The following SLC1A7 variants were observed in gnomAD, a reference collection of about 807,000 sequenced individuals.
SLC1A7 encodes excitatory amino acid transporter 5.
In SLC1A7, 40 loss-of-function variants were observed where a neutral mutation model predicts 47.7. The observed-to-expected ratio is 0.84, with a 90% confidence interval of 0.65 to 1.09. The LOEUF is 1.09. SLC1A7 is among the 50% of genes least tolerant of loss of function. The probability of loss-of-function intolerance (pLI) is 0.00; values close to 1 mark genes in which losing one functional copy is unlikely to be tolerated. For missense variants in SLC1A7, 746 were observed against 769.5 expected (o/e 0.97, Z 0.36); for synonymous variants, 323 against 325.6 (o/e 0.99, Z 0.09).
intron 5 of SLC1A7, among the ~76,000 whole-genome samples, chr1:53,095,534 C>CTT (rs1644476193): frequency 6.8e-6 from 1 of 147,866 alleles, no homozygotes; most frequent in African/African-American, 2.5e-5. Flanking sequence ...ACACTCACAC[C>CTT]GCCTCGGTAC....
intron 2 of SLC1A7, among the ~76,000 whole-genome samples, chr1:53,122,159 T>G (rs1175312090): frequency 6.6e-6 from 1 of 152,084 alleles, no homozygotes; most frequent in Non-Finnish European, 1.5e-5. Flanking sequence ...AGGAACTACC[T>G]TGAGAAGTGG....
chr1:53,103,739 A>C, intron 4 of SLC1A7, 171 bp from the exon 5 acceptor site: 4 of 522,948 alleles, frequency 7.6e-6, no homozygotes, highest in Admixed American at 3.7e-5. Flanking sequence ...TATTTTACCC[A>C]AAGAAAGCTG....
chr1:53,124,932 C>T (rs1195728554), intron 2 of SLC1A7, among the ~76,000 whole-genome samples: 3 of 152,158 alleles, frequency 2.0e-5, no homozygotes, highest in Admixed American at 6.5e-5. Context: ...GGGGGAAAAC[C>T]AAAGCAAGCA....
rs117006946 is a variant in SLC1A7, at chr1:53,095,896, G to C, written c.698-2336C>G. ...ACCTTGGTACATTCACATCGCCTCGGTACACTCACACAACCCGCCTCGGTA... is the reference window on the plus strand; with the variant it reads ...ACCTTGGTACATTCACATCGCCTCGCTACACTCACACAACCCGCCTCGGTA... On this transcript the variant is annotated intron_variant, in intron 5 of 10. Coordinates refer to ENST00000371494, the MANE Select transcript of SLC1A7 (RefSeq NM_006671.6). Among the ~76,000 whole-genome samples the C allele has an allele frequency of 2.5e-3, 335 of 135,906 alleles. 7 individuals carry two copies. The highest frequency in any genetic ancestry group is 0.019 in the East Asian group (83 of 4,282). The allele number at this position is 135,906 out of a possible 152,430, so 89.2% of individuals were successfully genotyped here. A position where few individuals can be genotyped will look rare whatever the true frequency, so the allele number is the denominator to read the frequency against.
At chr1:53,135,742 T>C (rs1557692592) in intron 1 of SLC1A7, among the ~76,000 whole-genome samples, 2 of 152,210 alleles carry the variant, frequency 1.3e-5, no homozygotes. Context: ...GTGCTGTTTA[T>C]AAAATTTTTT....
intron 5 of SLC1A7, among the ~76,000 whole-genome samples, chr1:53,100,899 A>G (rs28451553): frequency 0.21 from 31,135 of 148,026 alleles, 3,353 homozygotes; most frequent in Middle Eastern, 0.3. Flanking sequence ...AGACTGCCTC[A>G]ATACATTCAC....
Position 53,090,590 on chromosome 1 carries a change from C to T in SLC1A7, c.1226+22G>A, listed in dbSNP as rs376274414. On this transcript the variant is annotated intron_variant, in intron 8 of 10. Transcript: ENST00000371494. ...GCCCCCAGCCCCCGCCCCATCCACCCAGGTGCAGTGTCAGGGTGCACCTGA... is the reference window on the plus strand; with the variant it reads ...GCCCCCAGCCCCCGCCCCATCCACCTAGGTGCAGTGTCAGGGTGCACCTGA... 1.1e-5 allele frequency: 17 copies of T among 1,555,570 alleles called. No individual in the cohort carries two copies. In the African/African-American group the frequency reaches 1.9e-4, roughly 17 times the overall value.
intron 3 of SLC1A7, among the ~76,000 whole-genome samples, chr1:53,113,547 T>C (rs1644721950): frequency 6.6e-6 from 1 of 152,024 alleles, no homozygotes; most frequent in Admixed American, 6.6e-5. Context: ...ACCCACCTCC[T>C]GCTAAGGATC....
At chr1:53,119,041 A>T (rs1192455873) in intron 2 of SLC1A7, among the ~76,000 whole-genome samples, 3 of 144,754 alleles carry the variant, frequency 2.1e-5, no homozygotes, top group Non-Finnish European at 4.5e-5. Context: ...TTTAAATTAA[A>T]TTAAATAAAA....
chr1:53,105,554 A>T (rs13376214), intron 4 of SLC1A7, among the ~76,000 whole-genome samples, 178 bp downstream of exon 4: 5,050 of 152,116 alleles, frequency 0.033, 282 homozygotes, highest in African/African-American at 0.12. Context: ...GGATGTGGCC[A>T]TGGGGGTCTC....
chr1:53,099,506 C>T (rs988875554), intron 5 of SLC1A7, among the ~76,000 whole-genome samples: 2 of 128,188 alleles, frequency 1.6e-5, no homozygotes, highest in Non-Finnish European at 3.4e-5. Flanking sequence ...TCAGTACACT[C>T]ACTCACACCA....
intron 3 of SLC1A7, among the ~76,000 whole-genome samples, chr1:53,113,446 A>G (rs1214694118): frequency 6.6e-6 from 1 of 152,024 alleles, no homozygotes; most frequent in East Asian, 1.9e-4. Flanking sequence ...GCTCCAGACC[A>G]TCCATCGCTT....
chr1:53,088,135 G>T lies in SLC1A7; in HGVS notation c.1557C>A (p.Ser519=). The T allele has an allele frequency of 6.2e-7, 1 of 1,613,244 alleles. No homozygotes were observed. The part of the protein sequence containing the change: ...NGCVKSVAEA[S]ELTLGPTCPH... ...GGCAGGTGGGGCCCAGGGTGAGCTC[G>T]GAGGCCTCGGCTACACTCTTCACAC... Residue 519 remains serine, a synonymous_variant, in exon 11 of 11, where the codon TCC becomes TCA. Coordinates refer to ENST00000371494, the MANE Select transcript of SLC1A7 (RefSeq NM_006671.6).
intron 2 of SLC1A7, among the ~76,000 whole-genome samples, chr1:53,133,405 G>C (rs1377880404): frequency 6.6e-6 from 1 of 152,190 alleles, no homozygotes; most frequent in East Asian, 1.9e-4. Flanking sequence ...AAAATACAAA[G>C]CGCCCTTGGC....
intron 5 of SLC1A7, 93 bp from the exon 6 acceptor site, chr1:53,093,653 T>G: frequency 2.2e-6 from 2 of 907,614 alleles, no homozygotes; most frequent in South Asian, 1.6e-5. Flanking sequence ...GCAGCCTTGA[T>G]GCTCCAGCAC....
Position 53,092,558 on chromosome 1 carries a change from A to C in SLC1A7, c.1027T>G (p.Ser343Ala). Residue 343 changes from serine to alanine, a missense_variant, in exon 7 of 11, where the codon TCC becomes GCC. By Grantham distance (99) the Ser-to-Ala change is moderately conservative. Coordinates refer to ENST00000371494, the MANE Select transcript of SLC1A7 (RefSeq NM_006671.6). ...CCTGCCCGTCCCCGGGGCTACCTGG[A>C]GGAGGTGGCCAGCGCGATGAGCAGA... ...QALLIALATS[S>A]SSATLPITFK... 6.2e-7 allele frequency: 1 copy of C among 1,609,492 alleles called. No individual in the cohort carries two copies. Among genetic ancestry groups the C allele is most frequent in the Non-Finnish European group, 8.5e-7 (1 of 1,175,808 alleles).
intron 7 of SLC1A7, 51 bp downstream of exon 7, chr1:53,092,503 A>G: frequency 7.5e-7 from 1 of 1,335,630 alleles, no homozygotes; most frequent in East Asian, 2.4e-5. Context: ...ACAGACGGAC[A>G]GGGCTCAGCC....
At chr1:53,141,585 G>A (rs1211107004) in intron 1 of SLC1A7, among the ~76,000 whole-genome samples, 1 of 152,036 alleles carries the variant, frequency 6.6e-6, no homozygotes, top group African/African-American at 2.4e-5. Flanking sequence ...AGTTACACAG[G>A]CTGGAAACCC....
intron 3 of SLC1A7, among the ~76,000 whole-genome samples, chr1:53,112,172 A>G (rs1644707558): frequency 6.6e-6 from 1 of 152,174 alleles, no homozygotes; most frequent in African/African-American, 2.4e-5. Context: ...AAACATTTGC[A>G]TGTTTTGATT....
Sources: gnomAD v4.1 joint callset for allele counts (sites outside exome capture counted in the v4.1 genomes callset) on GRCh38, gnomAD v4.1.1 for gene constraint, MANE v1.5 for transcripts, NCBI Gene and HGNC (gene_info 2026-07-23, HGNC 2026-07-21) for gene names.